Variants in RPSA2 observed in about 807,000 individuals in gnomAD.
RPSA2 encodes ribosomal protein SA 2.
chr19:23,798,065 T>A, the RPSA2 span, among the ~76,000 whole-genome samples: 14 of 152,172 alleles, frequency 9.2e-5, no homozygotes, highest in East Asian at 5.8e-4. Flanking sequence ...GTATTTATTT[T>A]TTTTTTACTC....
chr19:23,808,272 A>ATTTTTTTTTT, the RPSA2 span, among the ~76,000 whole-genome samples: 2 of 126,930 alleles, frequency 1.6e-5, no homozygotes, highest in Admixed American at 8.9e-5. Flanking sequence ...TACAAAATTA[A>ATTTTTTTTTT]TTTTTTTTTT....
chr19:23,761,534 G>C, the RPSA2 span, among the ~76,000 whole-genome samples: 1 of 152,136 alleles, frequency 6.6e-6, no homozygotes, highest in Non-Finnish European at 1.5e-5. Context: ...TGTGTCCTCT[G>C]TGTCCCCTTC....
At chr19:23,830,143 ACATAGTTCTTTTTTT>A in the RPSA2 span, among the ~76,000 whole-genome samples, 2 of 151,936 alleles carry the variant, frequency 1.3e-5, no homozygotes, top group East Asian at 3.9e-4. Flanking sequence ...TGACTCCATA[ACATAGTTCTTTTTTT>A]GAGACTAAAC....
the RPSA2 span, among the ~76,000 whole-genome samples, chr19:23,790,112 T>G: frequency 1.3e-5 from 2 of 152,046 alleles, no homozygotes; most frequent in Non-Finnish European, 2.9e-5. Flanking sequence ...CAATTCTCTG[T>G]CTCAGTCTCC....
chr19:23,770,373 G>T, the RPSA2 span, among the ~76,000 whole-genome samples: 1 of 152,124 alleles, frequency 6.6e-6, no homozygotes, highest in East Asian at 1.9e-4. Context: ...CAGCACTTAG[G>T]TGATATAACT....
chr19:23,839,758 G>A, the RPSA2 span, among the ~76,000 whole-genome samples: 1 of 152,130 alleles, frequency 6.6e-6, no homozygotes, highest in Non-Finnish European at 1.5e-5. Context: ...TGGGCTCCTT[G>A]GGGATTCAGC....
the RPSA2 span, among the ~76,000 whole-genome samples, chr19:23,846,491 G>A: frequency 0.51 from 78,015 of 151,804 alleles, 20,493 homozygotes; most frequent in South Asian, 0.62. Context: ...TTTAATGATG[G>A]TGAATATCAA....
chr19:23,803,034 A>G, the RPSA2 span, among the ~76,000 whole-genome samples: 1 of 152,160 alleles, frequency 6.6e-6, no homozygotes, highest in Non-Finnish European at 1.5e-5. Flanking sequence ...AGTATGTGAT[A>G]TAACCTTGAG....
chr19:23,761,360 G>T, the RPSA2 span, among the ~76,000 whole-genome samples: 1 of 152,062 alleles, frequency 6.6e-6, no homozygotes, highest in African/African-American at 2.4e-5. Flanking sequence ...GATTACAGGT[G>T]TTAGCCATCA....
At chr19:23,859,795 A>G in the RPSA2 span, among the ~76,000 whole-genome samples, 1 of 152,308 alleles carries the variant, frequency 6.6e-6, no homozygotes, top group Middle Eastern at 3.4e-3. Context: ...CAGGTTCAAT[A>G]TTTTTGAAAG....
At chr19:23,819,725 G>A in the RPSA2 span, among the ~76,000 whole-genome samples, 6 of 152,150 alleles carry the variant, frequency 3.9e-5, 1 homozygote, top group African/African-American at 7.2e-5. Flanking sequence ...TACCCAGTTT[G>A]TTTGGTGGGG....
the RPSA2 span, among the ~76,000 whole-genome samples, chr19:23,853,062 GCAT>G: frequency 6.6e-6 from 1 of 152,240 alleles, no homozygotes; most frequent in Non-Finnish European, 1.5e-5. Flanking sequence ...ACTGGTGAAA[GCAT>G]CTGTCCAATA....
the RPSA2 span, among the ~76,000 whole-genome samples, chr19:23,864,640 A>T: frequency 6.6e-5 from 10 of 152,182 alleles, no homozygotes; most frequent in African/African-American, 2.4e-4. Flanking sequence ...ACCACAAATT[A>T]GTTCTGAACA....
chr19:23,780,640 C>CAAACAAAACA, the RPSA2 span, among the ~76,000 whole-genome samples: 144,483 of 150,694 alleles, frequency 0.96, 69,567 homozygotes, highest in Middle Eastern at 1. Context: ...GACTCCGTCT[C>CAAACAAAACA]AAACAAAACA....
chr19:23,816,991 T>G, the RPSA2 span, among the ~76,000 whole-genome samples: 1 of 146,170 alleles, frequency 6.8e-6, no homozygotes, highest in African/African-American at 2.5e-5. Context: ...AAATGGAGTT[T>G]ACATTAAATA....
the RPSA2 span, among the ~76,000 whole-genome samples, chr19:23,836,837 A>AT: frequency 1.3e-5 from 2 of 150,402 alleles, no homozygotes; most frequent in Non-Finnish European, 3.0e-5. Context: ...CTATTTTTTG[A>AT]TTTTTTTCTT....
At chr19:23,844,563 T>A in the RPSA2 span, among the ~76,000 whole-genome samples, 5 of 152,250 alleles carry the variant, frequency 3.3e-5, no homozygotes, top group African/African-American at 9.6e-5. Context: ...TTTGAGTTAT[T>A]TGTAAATTCC....
the RPSA2 span, among the ~76,000 whole-genome samples, chr19:23,834,731 A>G: frequency 6.6e-6 from 1 of 152,072 alleles, no homozygotes; most frequent in African/African-American, 2.4e-5. Context: ...AATCCATTGA[A>G]ATGTTATTGT....
At chr19:23,863,345 C>G in the RPSA2 span, among the ~76,000 whole-genome samples, 7 of 152,196 alleles carry the variant, frequency 4.6e-5, no homozygotes, top group East Asian at 7.7e-4. Context: ...GGGTGGATCA[C>G]CTAAGGTCAA....
Sources: gnomAD v4.1 joint callset for allele counts (sites outside exome capture counted in the v4.1 genomes callset) on GRCh38, gnomAD v4.1.1 for gene constraint, MANE v1.5 for transcripts, NCBI Gene and HGNC (gene_info 2026-07-23, HGNC 2026-07-21) for gene names.